CACNA1S: variants seen among roughly 807,000 people sequenced by gnomAD.
CACNA1S encodes calcium voltage-gated channel subunit alpha1 S.
Under a neutral mutation model 207.4 loss-of-function variants are expected in CACNA1S, and 126 were observed. That is an observed-to-expected ratio of 0.61 (90% CI 0.53 to 0.70). The LOEUF is 0.70. CACNA1S is among the 30% of genes least tolerant of loss of function. The pLI is 0.00. For missense variants in CACNA1S, 2,349 were observed against 2,422.8 expected, an observed-to-expected ratio of 0.97 and a Z score of 0.64; for synonymous variants, 960 against 932.7, an observed-to-expected ratio of 1.03 and a Z score of -0.53.
chr1:201,094,392 C>T (rs1346673645), intron 2 of CACNA1S, among the ~76,000 whole-genome samples: 4 of 152,104 alleles, frequency 2.6e-5, no homozygotes, highest in Admixed American at 2.0e-4. Flanking sequence ...TGTTCATTAT[C>T]TATCTTCTCC....
intron 9 of CACNA1S, 90 bp from the exon 10 acceptor site, chr1:201,083,412 G>A (rs761566619): frequency 4.2e-5 from 57 of 1,363,636 alleles, no homozygotes; most frequent in Non-Finnish European, 5.5e-5. Context: ...CCAGGCATGC[G>A]TAGCCTGACC....
chr1:201,046,543 C>T (rs1033108880), intron 38 of CACNA1S, among the ~76,000 whole-genome samples: 1 of 145,262 alleles, frequency 6.9e-6, no homozygotes, highest in Admixed American at 6.9e-5. Flanking sequence ...GAGAACTGTT[C>T]TTTTTTTTTT....
Position 201,061,925 on chromosome 1 carries a change from G to A in CACNA1S, c.3053+19C>T. On this transcript the variant is annotated intron_variant, in intron 24 of 43. Transcript: ENST00000362061. Reference sequence around the variant, plus strand: ...CCTGACCATGTCCATGAGGGACCTAGGCCCCAGCCATCACTCACTGAGGCC... The same window carrying A: ...CCTGACCATGTCCATGAGGGACCTAAGCCCCAGCCATCACTCACTGAGGCC... 1 of 1,614,026 alleles carries A rather than the reference G, an allele frequency of 6.2e-7. No individual in the cohort carries two copies. Among genetic ancestry groups the A allele is most frequent in the Non-Finnish European group, 8.5e-7 (1 of 1,179,938 alleles).
intron 8 of CACNA1S, among the ~76,000 whole-genome samples, 167 bp downstream of exon 8, chr1:201,085,269 C>T (rs1279001835): frequency 5.9e-5 from 9 of 152,188 alleles, no homozygotes; most frequent in Admixed American, 2.0e-4. Context: ...GGGAAGAGCT[C>T]TGGTCACACC....
intron 2 of CACNA1S, among the ~76,000 whole-genome samples, chr1:201,099,650 G>A (rs1662564837): frequency 6.6e-6 from 1 of 152,166 alleles, no homozygotes; most frequent in Non-Finnish European, 1.5e-5. Flanking sequence ...AGGCTGGGGT[G>A]GAGGACAGAC....
At chr1:201,050,662 A>G in intron 33 of CACNA1S, 146 bp from the exon 34 acceptor site, 1 of 853,950 alleles carries the variant, frequency 1.2e-6, no homozygotes, top group Non-Finnish European at 1.9e-6. Context: ...CACATCACAC[A>G]CACAGCAATG....
chr1:201,061,430 A>G lies in CACNA1S; in HGVS notation c.3092T>C (p.Val1031Ala), dbSNP rs2102574739. Residue 1031 changes from valine to alanine, a missense_variant, in exon 25 of 44, where the codon GTG becomes GCG. By Grantham distance (64) the Val-to-Ala change is moderately conservative (BLOSUM62 0). Transcript: ENST00000362061. ...YKAIDSNAED[V>A]GPIYNNRVEM... ...CACACGGTTGTTGTAGATGGGACCC[A>G]CGTCCTCCGCATTGGAGTCTATGGC... The G allele has an allele frequency of 1.2e-6, 2 of 1,614,236 alleles. No individual in the cohort carries two copies. Among genetic ancestry groups the G allele is most frequent in the South Asian group, 2.2e-5 (2 of 91,092 alleles).
chr1:201,056,219 C>T (rs1485378139), intron 28 of CACNA1S, among the ~76,000 whole-genome samples: 7 of 151,948 alleles, frequency 4.6e-5, no homozygotes, highest in Non-Finnish European at 4.4e-5. Context: ...GAACAGGGTT[C>T]CCACCCTGGC....
chr1:201,040,445 T>A, intron 42 of CACNA1S, 71 bp from the exon 43 acceptor site: 1 of 1,584,768 alleles, frequency 6.3e-7, no homozygotes, highest in Non-Finnish European at 8.6e-7. Context: ...AAATTCCAGA[T>A]CATCTGAGGG....
chr1:201,088,050 G>A, intron 6 of CACNA1S, 121 bp from the exon 7 acceptor site: 2 of 730,266 alleles, frequency 2.7e-6, no homozygotes, highest in Non-Finnish European at 5.0e-6. Context: ...GGGATATTGA[G>A]GGGACATTTT....
chr1:201,088,730 C>T (rs1662119188), intron 6 of CACNA1S, among the ~76,000 whole-genome samples: 1 of 152,182 alleles, frequency 6.6e-6, no homozygotes, highest in Non-Finnish European at 1.5e-5. Flanking sequence ...TTAACAAACA[C>T]CAAATAAATA....
intron 13 of CACNA1S, 117 bp downstream of exon 13, chr1:201,075,378 C>G: frequency 8.0e-7 from 1 of 1,254,256 alleles, no homozygotes. Context: ...CCTGGGAGCT[C>G]CCCTCCAGCC....
At chr1:201,103,579 C>A (rs958000615) in intron 2 of CACNA1S, among the ~76,000 whole-genome samples, 1 of 152,172 alleles carries the variant, frequency 6.6e-6, no homozygotes, top group African/African-American at 2.4e-5. Flanking sequence ...GGAGGGCAGG[C>A]TCCCAGGTGG....
At chr1:201,084,766 C>T (rs910912361) in intron 9 of CACNA1S, among the ~76,000 whole-genome samples, 184 bp downstream of exon 9, 5 of 152,150 alleles carry the variant, frequency 3.3e-5, no homozygotes, top group Admixed American at 6.5e-5. Flanking sequence ...CACACATTCC[C>T]CGAGGATCTG....
intron 2 of CACNA1S, among the ~76,000 whole-genome samples, chr1:201,096,218 C>T (rs1662425437): frequency 6.6e-6 from 1 of 152,202 alleles, no homozygotes; most frequent in African/African-American, 2.4e-5. Flanking sequence ...AGCTCCAAGG[C>T]CTGCCTCTTT....
chr1:201,067,575 T>C (rs1481315133), intron 19 of CACNA1S, among the ~76,000 whole-genome samples: 2 of 152,214 alleles, frequency 1.3e-5, no homozygotes, highest in East Asian at 1.9e-4. Flanking sequence ...CAGGGACCTA[T>C]ATGATTTTGT....
At chr1:201,106,883 G>A (rs1361179488) in intron 2 of CACNA1S, among the ~76,000 whole-genome samples, 1 of 152,192 alleles carries the variant, frequency 6.6e-6, no homozygotes, top group Non-Finnish European at 1.5e-5. Context: ...GAGGGCCTTG[G>A]AGGCTCAACC....
intron 19 of CACNA1S, among the ~76,000 whole-genome samples, chr1:201,068,177 T>C (rs1409625819): frequency 6.7e-6 from 1 of 149,964 alleles, no homozygotes; most frequent in South Asian, 2.1e-4. Flanking sequence ...GCCTTTCCAG[T>C]CACTGTTAAC....
chr1:201,081,140 G>A (rs1661825178), intron 10 of CACNA1S, among the ~76,000 whole-genome samples: 1 of 152,172 alleles, frequency 6.6e-6, no homozygotes, highest in African/African-American at 2.4e-5. Flanking sequence ...AGGTATGACA[G>A]TGCCAGTTCC....
Sources: gnomAD v4.1 joint callset for allele counts (sites outside exome capture counted in the v4.1 genomes callset) on GRCh38, gnomAD v4.1.1 for gene constraint, MANE v1.5 for transcripts, NCBI Gene and HGNC (gene_info 2026-07-23, HGNC 2026-07-21) for gene names.